Variants in FARP2 observed in about 807,000 individuals in gnomAD.
FARP2 encodes FERM, ARH/RhoGEF and pleckstrin domain protein 2.
FARP2 carries 111 observed loss-of-function variants against 130.5 expected under a neutral mutation model. That is an observed-to-expected ratio of 0.85 (90% CI 0.73 to 1.00). The LOEUF (loss-of-function observed/expected upper bound fraction) is 1.00, where lower values mean the gene tolerates loss of function less well. Ranked by LOEUF, FARP2 falls within the 50% of genes least tolerant of loss-of-function variation. The pLI is 0.00. For missense variants in FARP2, 1,385 were observed against 1,346.3 expected, an observed-to-expected ratio of 1.03 and a Z score of -0.45; for synonymous variants, 504 against 516.9, an observed-to-expected ratio of 0.98 and a Z score of 0.34.
chr2:241,465,725 C>T, intron 17 of FARP2: 1 of 1,550,884 alleles, frequency 6.4e-7, no homozygotes, highest in Middle Eastern at 1.7e-4. Flanking sequence ...CTCTGCATAA[C>T]ACCATGAAGC....
intron 2 of FARP2, among the ~76,000 whole-genome samples, chr2:241,394,054 C>T (rs750217407): frequency 2.0e-5 from 3 of 152,094 alleles, no homozygotes; most frequent in Non-Finnish European, 2.9e-5. Flanking sequence ...GATGCCAGTG[C>T]TCTAACTGGC....
At chr2:241,448,757 G>A (rs993931059) in intron 13 of FARP2, among the ~76,000 whole-genome samples, 17 of 152,240 alleles carry the variant, frequency 1.1e-4, no homozygotes, top group Admixed American at 5.2e-4. Context: ...GGAGCACTTC[G>A]TGTGTTGATA....
chr2:241,465,381 C>T (rs2064141785), intron 17 of FARP2: 1 of 1,108,446 alleles, frequency 9.0e-7, no homozygotes, highest in South Asian at 1.3e-5. Context: ...GGGCAGAGTC[C>T]CCATAGCTGC....
intron 5 of FARP2, among the ~76,000 whole-genome samples, chr2:241,410,649 C>G (rs916554644): frequency 6.6e-6 from 1 of 152,000 alleles, no homozygotes; most frequent in Non-Finnish European, 1.5e-5. Flanking sequence ...AGGCTGGTCT[C>G]GAACTCCTGA....
chr2:241,447,422 G>T (rs777243153), intron 13 of FARP2, among the ~76,000 whole-genome samples: 2 of 152,108 alleles, frequency 1.3e-5, no homozygotes, highest in Non-Finnish European at 2.9e-5. Flanking sequence ...TCCTGCTCTC[G>T]CCTGGTGTGG....
intron 13 of FARP2, among the ~76,000 whole-genome samples, chr2:241,455,716 T>TC (rs2063813956): frequency 6.7e-6 from 1 of 149,470 alleles, no homozygotes; most frequent in Non-Finnish European, 1.5e-5. Flanking sequence ...AAATTCCTTC[T>TC]CTAAAACTCT....
chr2:241,457,905 G>C (rs547884793), intron 14 of FARP2, among the ~76,000 whole-genome samples: 1 of 152,146 alleles, frequency 6.6e-6, no homozygotes, highest in African/African-American at 2.4e-5. Context: ...GGCACGGGGA[G>C]GGGGGCACAT....
chr2:241,450,861 AGAATCG>A (rs1255911173), intron 13 of FARP2, among the ~76,000 whole-genome samples: 4 of 152,140 alleles, frequency 2.6e-5, no homozygotes, highest in Non-Finnish European at 5.9e-5. Flanking sequence ...CTAAGGCCTG[AGAATCG>A]TTTGAATCCA....
chr2:241,381,455 T>C (rs1483603960), intron 2 of FARP2, among the ~76,000 whole-genome samples: 1 of 152,116 alleles, frequency 6.6e-6, no homozygotes, highest in Admixed American at 6.6e-5. Context: ...TCAGGCACCT[T>C]TTGCTGATGC....
intron 7 of FARP2, among the ~76,000 whole-genome samples, chr2:241,416,026 T>G (rs1452071909): frequency 1.4e-5 from 2 of 139,090 alleles, no homozygotes; most frequent in Non-Finnish European, 3.3e-5. Flanking sequence ...TGTGTGTGTG[T>G]GTGTGTGTCT....
At chr2:241,412,847 G>T (rs2062556254) in intron 6 of FARP2, among the ~76,000 whole-genome samples, 1 of 152,068 alleles carries the variant, frequency 6.6e-6, no homozygotes, top group Admixed American at 6.6e-5. Flanking sequence ...GGGCAATGTG[G>T]CAAAACCTTA....
intron 6 of FARP2, 95 bp from the exon 7 acceptor site, chr2:241,413,212 G>A: frequency 4.4e-6 from 3 of 682,530 alleles, no homozygotes; most frequent in Admixed American, 2.9e-5. Flanking sequence ...CTACAAATTT[G>A]GGATAATTTT....
At chr2:241,481,281 A>G (rs144144582) in intron 19 of FARP2, among the ~76,000 whole-genome samples, 26 of 152,204 alleles carry the variant, frequency 1.7e-4, no homozygotes, top group African/African-American at 5.3e-4. Flanking sequence ...TCTTGATTCT[A>G]TCCCATGGTC....
intron 13 of FARP2, chr2:241,444,386 T>C (rs946497429): frequency 8.5e-5 from 13 of 152,346 alleles, no homozygotes; most frequent in African/African-American, 2.9e-4. Flanking sequence ...TAAACCTTAG[T>C]ATTCATATGG....
At chr2:241,450,192 C>T (rs142661513) in intron 13 of FARP2, among the ~76,000 whole-genome samples, 21 of 152,030 alleles carry the variant, frequency 1.4e-4, no homozygotes, top group African/African-American at 4.8e-4. Flanking sequence ...AGCAAGACCC[C>T]ATCTCTACAA....
intron 18 of FARP2, among the ~76,000 whole-genome samples, chr2:241,472,813 T>A (rs2064355139): frequency 6.6e-6 from 1 of 151,476 alleles, no homozygotes; most frequent in South Asian, 2.1e-4. Flanking sequence ...GGCACCCTGT[T>A]CTGAGGGGAC....
At chr2:241,461,150 C>T (rs527515773) in intron 14 of FARP2, among the ~76,000 whole-genome samples, 1 of 152,320 alleles carries the variant, frequency 6.6e-6, no homozygotes, top group African/African-American at 2.4e-5. Context: ...AACCTCCAGT[C>T]ATGGCAGCTG....
Position 241,494,292 on chromosome 2 carries a change from T to TC in FARP2, c.*173dup, listed in dbSNP as rs1219777382. The TC allele has an allele frequency of 9.6e-6, 4 of 415,524 alleles. No individual in the cohort carries two copies. Among genetic ancestry groups the TC allele is most frequent in the African/African-American group, 4.1e-5 (2 of 48,304 alleles). The allele number at this position is 415,524 out of a possible 1,614,324, so 25.7% of individuals were successfully genotyped here. On this transcript the variant is annotated 3_prime_UTR_variant, in exon 27 of 27. Coordinates refer to ENST00000264042, the MANE Select transcript of FARP2 (RefSeq NM_014808.4). This position sits in a 1 kb window ranked among gnomAD's most constrained non-coding sequence, Gnocchi z 4.9. ...CATGTAACATCTGGGAGGGGCTTCA[T>TC]CCCCCCACCCAGGACCTAGTGCATG...
At chr2:241,431,444 C>T (rs1402134610) in intron 8 of FARP2, among the ~76,000 whole-genome samples, 1 of 152,032 alleles carries the variant, frequency 6.6e-6, no homozygotes, top group Non-Finnish European at 1.5e-5. Context: ...CCACTGCACT[C>T]TAGCCTGGGC....
Sources: gnomAD v4.1 joint callset for allele counts (sites outside exome capture counted in the v4.1 genomes callset) on GRCh38, gnomAD v4.1.1 for gene constraint, Gnocchi (gnomAD v3.1) non-coding constraint, MANE v1.5 for transcripts, NCBI Gene and HGNC (gene_info 2026-07-23, HGNC 2026-07-21) for gene names.